The following ZNF397 variants were observed in gnomAD, a reference collection of about 807,000 sequenced individuals.
The protein encoded by ZNF397 is zinc finger protein 397, also known as zinc finger and SCAN domain-containing protein 15.
In ZNF397, 38 loss-of-function variants were observed where a neutral mutation model predicts 50.6. The observed-to-expected ratio is 0.75, with a 90% confidence interval of 0.58 to 0.98. The LOEUF is 0.98. Among genes scored for constraint, ZNF397 ranks in the 50% least tolerant of loss-of-function variants. The pLI is 0.00. For missense variants in ZNF397, 624 were observed against 624.1 expected (o/e 1.00, Z 0.00); for synonymous variants, 228 against 215.2 (o/e 1.06, Z -0.52).
intron 3 of ZNF397, chr18:35,244,216 A>G (rs1258232391): frequency 6.5e-6 from 1 of 154,382 alleles, no homozygotes; most frequent in African/African-American, 2.4e-5. Flanking sequence ...TATTAAAACT[A>G]GAGTGTGAGG....
chr18:35,257,826 A>C, intron 5 of ZNF397: 1 of 776,060 alleles, frequency 1.3e-6, no homozygotes, highest in Non-Finnish European at 2.4e-6. Context: ...TCAGCGGCCC[A>C]TGAAATGCTC....
In ZNF397 at chr18:35,242,488, A is replaced by G. The variant is rs1201069143; in HGVS notation, c.18A>G (p.Gly6=). The G allele has an allele frequency of 6.2e-7, 1 of 1,612,776 alleles. No homozygotes were observed. Among genetic ancestry groups the G allele is most frequent in the African/African-American group, 1.3e-5 (1 of 74,854 alleles). ...AGCCAAGAATGGCTGTGGAATCTGG[A>G]GTGATTTCAACCCTGATACCTCAGG... MAVES[G]VISTLIPQDP... The change falls in exon 2 of 4, where the codon GGA becomes GGG. Residue 6 remains glycine (G), a synonymous_variant. Coordinates refer to ENST00000330501, the MANE Select transcript of ZNF397 (RefSeq NM_001135178.3).
downstream of ZNF397, chr18:35,254,071 A>G (rs760928067): frequency 3.1e-6 from 5 of 1,614,150 alleles, no homozygotes; most frequent in Admixed American, 3.3e-5. Flanking sequence ...GTTGTGTAAT[A>G]TCATTTGAAT....
downstream of ZNF397, among the ~76,000 whole-genome samples, chr18:35,250,856 T>A (rs1319606483): frequency 2.6e-5 from 4 of 152,190 alleles, no homozygotes; most frequent in Non-Finnish European, 5.9e-5. Flanking sequence ...CAACAACAAC[T>A]AAATCTCAGA....
intron 3 of ZNF397, among the ~76,000 whole-genome samples, chr18:35,244,957 C>T (rs1912824111): frequency 6.6e-6 from 1 of 151,982 alleles, no homozygotes. Context: ...AGGTGAGAGA[C>T]ACTTAAGCTT....
At chr18:35,255,380 T>A (rs2043768439) in intron 5 of ZNF397, among the ~76,000 whole-genome samples, 1 of 151,900 alleles carries the variant, frequency 6.6e-6, no homozygotes, top group Non-Finnish European at 1.5e-5. Context: ...GAAAAATACA[T>A]CTTCCCAAAA....
chr18:35,245,617 G>A lies in ZNF397; in HGVS notation c.912G>A (p.Gln304=), dbSNP rs2043464888. ...FKQHSSLTQH[Q]RIHTGEKPYK... is the part of the protein sequence containing the mutation. ...AGCATTCCTCTCTAACACAACATCA[G>A]AGAATCCATACTGGAGAAAAGCCCT... Residue 304 remains glutamine, a synonymous_variant, in exon 4 of 4, where the codon CAG becomes CAA. Coordinates refer to ENST00000330501, the MANE Select transcript of ZNF397 (RefSeq NM_001135178.3). The A allele has an allele frequency of 3.2e-6, 5 of 1,554,438 alleles. No homozygotes were observed. The highest frequency in any genetic ancestry group is 2.0e-5 in the Admixed American group (1 of 51,186).
chr18:35,257,336 T>C (rs1488972598), intron 5 of ZNF397: 1 of 152,750 alleles, frequency 6.5e-6, no homozygotes, highest in Non-Finnish European at 1.5e-5. Context: ...GAATGTTGGC[T>C]CCTCCAATGA....
At position 35,249,799 on chromosome 18, in the gene ZNF397, A is replaced by G. The variant is rs1339468845; in HGVS notation, c.*3489A>G. ...ATATATTTATGTATTAAAAATACTG[A>G]AAACATAAAGTGCTATACTGGTTAT... On this transcript the variant is annotated 3_prime_UTR_variant, in exon 4 of 4. Coordinates refer to ENST00000330501, the MANE Select transcript of ZNF397 (RefSeq NM_001135178.3). The G allele has an allele frequency of 6.6e-6, 1 of 150,708 alleles. No individual in the cohort carries two copies. Among genetic ancestry groups the G allele is most frequent in the Admixed American group, 6.6e-5 (1 of 15,062 alleles). 9.3% of individuals were successfully genotyped at this position (150,708 alleles called of 1,614,324 possible).
chr18:35,243,764 A>T (rs1912715892), intron 3 of ZNF397: 1 of 227,254 alleles, frequency 4.4e-6, no homozygotes, highest in Non-Finnish European at 8.8e-6. Context: ...AAGCCAGGTA[A>T]ATAGGTGGGA....
intron 1 of ZNF397, 166 bp downstream of exon 1, chr18:35,241,275 C>T (rs1307104007): frequency 6.6e-6 from 1 of 152,264 alleles, no homozygotes; most frequent in Non-Finnish European, 1.5e-5. Context: ...ACTCAAACTC[C>T]TGCTTTCCAA....
At chr18:35,252,232 T>C (rs1052906565), downstream of ZNF397, 3 of 152,182 alleles carry the variant, frequency 2.0e-5, no homozygotes, top group African/African-American at 7.2e-5. Context: ...AGAATTAGTG[T>C]GGTGAGAGAC....
At chr18:35,253,233 T>C (rs77505124), downstream of ZNF397, 925 of 434,024 alleles carry the variant, frequency 2.1e-3, 14 homozygotes, top group African/African-American at 0.017. Flanking sequence ...CAAGGAAATA[T>C]CTACCATTCT....
chr18:35,253,563 G>A, downstream of ZNF397: 1 of 1,612,234 alleles, frequency 6.2e-7, no homozygotes, highest in South Asian at 1.1e-5. Flanking sequence ...CTCTGGTGCT[G>A]GGTGAGGGCT....
chr18:35,241,425 A>G (rs1160983883), intron 1 of ZNF397: 1 of 152,242 alleles, frequency 6.6e-6, no homozygotes, highest in Admixed American at 6.5e-5. Context: ...TAAATATTTT[A>G]ATTCATCTCT....
At position 35,247,279 on chromosome 18, in the gene ZNF397, G is replaced by A; in HGVS notation, c.*969G>A. On this transcript the variant is annotated 3_prime_UTR_variant, in exon 4 of 4. Coordinates refer to ENST00000330501, the MANE Select transcript of ZNF397 (RefSeq NM_001135178.3). ...TCAAGAGCTTTGTCTTGGTTTATGT[G>A]ACCCCAGGGAAAGGGCAAATATGTG... 1.5e-6 allele frequency: 1 copy of A among 656,920 alleles called. No individual in the cohort carries two copies. Among genetic ancestry groups the A allele is most frequent in the Non-Finnish European group, 1.9e-6 (1 of 529,826 alleles). The allele number at this position is 656,920 out of a possible 1,614,324, so 40.7% of individuals were successfully genotyped here.
Position 35,256,090 on chromosome 18 carries a change from A to C in ZNF397, c.817+1688A>C, listed in dbSNP as rs184586241. On this transcript the variant is annotated intron_variant, in intron 5 of 5. Transcript: ENST00000261333. The stretch of plus-strand genomic sequence containing the variant: ...ACTTATGGGATTTAAATACGTCTTC[A>C]AATTCTGTAACTATATGAAGTCAAA... Among the ~76,000 whole-genome samples the C allele has an allele frequency of 1.3e-4, 20 of 152,354 alleles. 1 individual carries two copies. In the East Asian group the frequency reaches 3.9e-3, roughly 29 times the overall value.
At chr18:35,253,953 G>A (rs748747227), downstream of ZNF397, 6 of 1,613,906 alleles carry the variant, frequency 3.7e-6, no homozygotes, top group Non-Finnish European at 5.1e-6. Flanking sequence ...CATGCATAAG[G>A]TCTCTCTCCA....
At chr18:35,254,124 T>C, downstream of ZNF397, 1 of 1,614,198 alleles carries the variant, frequency 6.2e-7, no homozygotes, top group East Asian at 2.2e-5. Flanking sequence ...TCAAGGACAC[T>C]GTGTTCTGTG....
Sources: allele counts gnomAD v4.1 joint callset (sites outside exome capture counted in the v4.1 genomes callset), GRCh38; gene constraint gnomAD v4.1.1; transcripts MANE v1.5; gene names NCBI Gene and HGNC (gene_info 2026-07-23, HGNC 2026-07-21).